Variants in SAMTOR observed in about 807,000 individuals in gnomAD.
SAMTOR encodes S-adenosylmethionine sensor upstream of mTORC1, also known as UPF0532 protein C7orf60.
At chr7:112,864,429 T>C in the SAMTOR span, among the ~76,000 whole-genome samples, 1 of 152,182 alleles carries the variant, frequency 6.6e-6, no homozygotes, top group Non-Finnish European at 1.5e-5. Context: ...CTCCTGTGTT[T>C]TTATGATAAA....
chr7:112,880,012 G>A, the SAMTOR span, among the ~76,000 whole-genome samples: 1,074 of 152,170 alleles, frequency 7.1e-3, 5 homozygotes, highest in Non-Finnish European at 0.011. Context: ...ACTACATTAA[G>A]AATCTTATAA....
the SAMTOR span, among the ~76,000 whole-genome samples, chr7:112,877,620 T>C: frequency 6.6e-6 from 1 of 152,126 alleles, no homozygotes. Context: ...AAATTTCTAG[T>C]GTATGGCTGG....
At chr7:112,863,587 GA>G in the SAMTOR span, among the ~76,000 whole-genome samples, 1 of 149,422 alleles carries the variant, frequency 6.7e-6, no homozygotes, top group Non-Finnish European at 1.5e-5. Flanking sequence ...AAATTTACAA[GA>G]AAAAAAACAA....
the SAMTOR span, among the ~76,000 whole-genome samples, chr7:112,909,493 G>A: frequency 6.6e-6 from 1 of 152,074 alleles, no homozygotes; most frequent in Admixed American, 6.6e-5. Context: ...GAAATCAACT[G>A]TATAGCAAAT....
chr7:112,915,412 C>T, the SAMTOR span: 1 of 1,613,050 alleles, frequency 6.2e-7, no homozygotes, highest in East Asian at 2.2e-5. Context: ...TCTTCATCCT[C>T]ACAGTGTTCT....
the SAMTOR span, among the ~76,000 whole-genome samples, chr7:112,871,990 G>A: frequency 1.3e-5 from 2 of 152,072 alleles, no homozygotes; most frequent in African/African-American, 4.8e-5. Flanking sequence ...AATTGAATCA[G>A]TAATTAATAA....
At chr7:112,920,213 A>G in the SAMTOR span, among the ~76,000 whole-genome samples, 1 of 152,242 alleles carries the variant, frequency 6.6e-6, no homozygotes. Context: ...AAATACTGGC[A>G]AACTGAATCC....
chr7:112,919,675 G>T, the SAMTOR span, among the ~76,000 whole-genome samples: 9 of 151,832 alleles, frequency 5.9e-5, no homozygotes, highest in East Asian at 1.4e-3. Flanking sequence ...TTTTTTGAAA[G>T]GATCAACAAA....
At chr7:112,827,552 C>A in the SAMTOR span, among the ~76,000 whole-genome samples, 10 of 152,262 alleles carry the variant, frequency 6.6e-5, no homozygotes, top group African/African-American at 2.4e-4. Flanking sequence ...CCAGGAACCA[C>A]TGTACATACC....
chr7:112,890,362 A>AC, the SAMTOR span, among the ~76,000 whole-genome samples: 387 of 149,628 alleles, frequency 2.6e-3, 2 homozygotes, highest in East Asian at 8.5e-3. Flanking sequence ...AAAAATAACA[A>AC]CCCCCCCCAC....
chr7:112,921,898 C>T, the SAMTOR span, among the ~76,000 whole-genome samples: 1 of 151,746 alleles, frequency 6.6e-6, no homozygotes, highest in African/African-American at 2.4e-5. Flanking sequence ...GATACCATCT[C>T]ACACCACTTA....
chr7:112,883,716 G>C, the SAMTOR span, among the ~76,000 whole-genome samples: 1 of 152,314 alleles, frequency 6.6e-6, no homozygotes, highest in Admixed American at 6.5e-5. Flanking sequence ...ATTTTGGAAA[G>C]TATGATGATG....
At chr7:112,936,511 G>C in the SAMTOR span, among the ~76,000 whole-genome samples, 3 of 152,306 alleles carry the variant, frequency 2.0e-5, no homozygotes, top group Middle Eastern at 3.4e-3. Flanking sequence ...CCCCAAGCCT[G>C]TTCATCACCA....
chr7:112,834,364 T>C, the SAMTOR span, among the ~76,000 whole-genome samples: 1 of 152,148 alleles, frequency 6.6e-6, no homozygotes, highest in African/African-American at 2.4e-5. Flanking sequence ...TTATCTTTTT[T>C]CCCATGGATA....
At chr7:112,848,074 G>C in the SAMTOR span, among the ~76,000 whole-genome samples, 19 of 152,172 alleles carry the variant, frequency 1.2e-4, no homozygotes, top group Admixed American at 1.2e-3. Context: ...GATCGCTTGA[G>C]CTCAGGAATT....
the SAMTOR span, among the ~76,000 whole-genome samples, chr7:112,903,367 T>C: frequency 4.0e-5 from 6 of 150,936 alleles, no homozygotes; most frequent in Non-Finnish European, 8.8e-5. Context: ...AAAAAAATGA[T>C]GAATTTTTCT....
chr7:112,850,078 T>C, the SAMTOR span, among the ~76,000 whole-genome samples: 1 of 152,060 alleles, frequency 6.6e-6, no homozygotes, highest in Non-Finnish European at 1.5e-5. Context: ...TGGTGGTGCA[T>C]GCCTGTAATC....
the SAMTOR span, among the ~76,000 whole-genome samples, chr7:112,929,749 T>C: frequency 6.6e-6 from 1 of 152,072 alleles, no homozygotes; most frequent in Admixed American, 6.5e-5. Context: ...CAAAGAAGTA[T>C]GAGAAAATTT....
the SAMTOR span, among the ~76,000 whole-genome samples, chr7:112,913,097 G>A: frequency 1.3e-5 from 2 of 152,148 alleles, no homozygotes; most frequent in African/African-American, 4.8e-5. Context: ...TTAACTTGAG[G>A]GAGAAAATGT....
Sources: gnomAD v4.1 joint callset for allele counts (sites outside exome capture counted in the v4.1 genomes callset) on GRCh38, gnomAD v4.1.1 for gene constraint, MANE v1.5 for transcripts, NCBI Gene and HGNC (gene_info 2026-07-23, HGNC 2026-07-21) for gene names.